MTOR: variants seen among roughly 807,000 people sequenced by gnomAD.
The protein encoded by MTOR is serine/threonine-protein kinase mTOR.
MTOR carries 70 observed loss-of-function variants against 319.8 expected under a neutral mutation model. The observed-to-expected ratio is 0.22, with a 90% confidence interval of 0.18 to 0.27. The LOEUF (loss-of-function observed/expected upper bound fraction) is 0.27. Ranked by LOEUF, MTOR falls within the 10% of genes least tolerant of loss-of-function variation. MTOR has a pLI of 1.00. For synonymous variants in MTOR, 1,183 were observed against 1,211.4 expected (o/e 0.98, Z 0.49); for missense variants, 1,890 against 3,274.4 (o/e 0.58, Z 10.32).
intron 30 of MTOR, chr1:11,152,400 T>C (rs1011557667): frequency 2.0e-5 from 3 of 151,776 alleles, no homozygotes; most frequent in Non-Finnish European, 4.4e-5. Flanking sequence ...ACAGAGAAGA[T>C]AGCATGGTCC....
At chr1:11,255,864 AAT>A in intron 5 of MTOR, 126 bp downstream of exon 5, 1 of 921,272 alleles carries the variant, frequency 1.1e-6, no homozygotes, top group Non-Finnish European at 1.6e-6. Flanking sequence ...AAAAAAAAAA[AAT>A]TCATTTGAGA....
chr1:11,145,138 T>A, intron 32 of MTOR, 93 bp from the exon 33 acceptor site: 1 of 1,049,018 alleles, frequency 9.5e-7, no homozygotes, highest in Non-Finnish European at 1.4e-6. Flanking sequence ...GTTATCTGTC[T>A]CACTTAAATT....
chr1:11,140,304 C>T (rs1309271834), intron 34 of MTOR, among the ~76,000 whole-genome samples: 2 of 120,610 alleles, frequency 1.7e-5, no homozygotes, highest in African/African-American at 6.7e-5. Flanking sequence ...AATTATTCCA[C>T]AGATTGGGTG....
Position 11,213,570 on chromosome 1 carries a change from CAA to C in MTOR, c.3118-6_3118-5del. On this transcript the variant is annotated splice_polypyrimidine_tract_variant and splice_region_variant and intron_variant, in intron 20 of 57. Coordinates refer to ENST00000361445, the MANE Select transcript of MTOR (RefSeq NM_004958.4). ...AGGTGTTCATGACCCAGAATTCCTA[CAA>C]AGAGAGAAAAGTCAGAGGAGCTGAG... The C allele has an allele frequency of 6.2e-7, 1 of 1,612,626 alleles. No homozygotes were observed. The highest frequency in any genetic ancestry group is 8.5e-7 in the Non-Finnish European group (1 of 1,179,370).
intron 30 of MTOR, chr1:11,152,413 G>A (rs1310193887): frequency 2.0e-5 from 3 of 150,928 alleles, no homozygotes; most frequent in African/African-American, 7.5e-5. Context: ...CATGGTCCCT[G>A]AAGATTTAAA....
intron 13 of MTOR, among the ~76,000 whole-genome samples, chr1:11,237,059 T>C (rs1232657341): frequency 1.3e-5 from 2 of 152,206 alleles, no homozygotes; most frequent in East Asian, 1.9e-4. Context: ...AAGTTCCTTA[T>C]ATGTTATAAA....
chr1:11,180,271 G>T (rs1038835198), intron 28 of MTOR, among the ~76,000 whole-genome samples: 5 of 152,116 alleles, frequency 3.3e-5, no homozygotes, highest in African/African-American at 9.7e-5. Context: ...TCCAGCAGAG[G>T]TACAGAAAAA....
At chr1:11,219,922 A>G (rs1032189044) in intron 19 of MTOR, among the ~76,000 whole-genome samples, 2 of 151,618 alleles carry the variant, frequency 1.3e-5, no homozygotes, top group Non-Finnish European at 2.9e-5. Context: ...AGTTCCAGCT[A>G]CTCAGGAGGC....
chr1:11,193,883 C>A, intron 28 of MTOR: 2 of 1,130,374 alleles, frequency 1.8e-6, no homozygotes, highest in South Asian at 1.5e-5. Flanking sequence ...TCTGTATATT[C>A]ATTGTGATGG....
chr1:11,249,052 C>T (rs1450400094), intron 6 of MTOR, among the ~76,000 whole-genome samples: 2 of 152,188 alleles, frequency 1.3e-5, no homozygotes, highest in East Asian at 1.9e-4. Flanking sequence ...GGTGAAAACC[C>T]GTTTCTACTA....
chr1:11,252,166 T>C (rs868650397), intron 6 of MTOR, among the ~76,000 whole-genome samples: 1 of 152,188 alleles, frequency 6.6e-6, no homozygotes, highest in East Asian at 1.9e-4. Context: ...ATACTTTAAA[T>C]CATCTCTATG....
chr1:11,128,907 T>C lies in MTOR; in HGVS notation c.5759A>G (p.Asn1920Ser), dbSNP rs753081675. ...WFDYGHWPDV[N>S]EALVEGVKAI... The stretch of plus-strand genomic sequence containing the variant: ...TTTCACCCCCTCCACTAAGGCCTCA[T>C]TGACATCTGGCCAGTGACCATAATC... The change falls in exon 41 of 58, where the codon AAT (asparagine) becomes AGT (serine). Residue 1920 changes from asparagine (N) to serine (S), a missense_variant. Transcript: ENST00000361445. This position sits in a 1 kb window ranked among gnomAD's most constrained non-coding sequence, Gnocchi z 5.3. 5.8e-5 allele frequency: 93 copies of C among 1,614,006 alleles called. No individual in the cohort carries two copies. The highest frequency in any genetic ancestry group is 3.1e-4 in the South Asian group (28 of 90,994).
chr1:11,240,463 C>A lies in MTOR; in HGVS notation c.1626G>T (p.Met542Ile). ...GTTTGTGCATAAGGACCAGGGACAG[C>A]ATTTTCAGTAGCCCATCTTGAATGT... is the stretch of plus-strand genomic sequence containing the variant. ...KKDIQDGLLKMLSLVLMHKPL... is the reference protein window; with the variant it reads ...KKDIQDGLLKILSLVLMHKPL... Residue 542 changes from methionine to isoleucine, a missense_variant, in exon 11 of 58, where the codon ATG becomes ATT. Physicochemically the swap from Met to Ile is conservative, Grantham distance 10. This residue lies in a region of MTOR where 418 missense variants were observed against 543.1 expected (regional missense o/e 0.77). Transcript: ENST00000361445. 1 of 1,614,230 alleles carries A rather than the reference C, an allele frequency of 6.2e-7. No individual in the cohort carries two copies. Among genetic ancestry groups the A allele is most frequent in the Non-Finnish European group, 8.5e-7 (1 of 1,180,052 alleles).
Position 11,120,050 on chromosome 1 carries a change from TA to T in MTOR, c.6933+1195del, listed in dbSNP as rs551587736. Among the ~76,000 whole-genome samples, 203 of 124,294 alleles carry T rather than the reference TA, an allele frequency of 1.6e-3. 1 individual carries two copies. Among genetic ancestry groups the T allele is most frequent in the Middle Eastern group, 4.3e-3 (1 of 230 alleles). The allele number at this position is 124,294 out of a possible 152,430, so 81.5% of individuals were successfully genotyped here. On this transcript the variant is annotated intron_variant, in intron 49 of 57. Coordinates refer to ENST00000361445, the MANE Select transcript of MTOR (RefSeq NM_004958.4). ...GGGTGACACAGTGAGACTTTGTCTCTAAAAAAAAAAAAAAAAATTTATATAT... is the reference window on the plus strand; with the variant it reads ...GGGTGACACAGTGAGACTTTGTCTCTAAAAAAAAAAAAAAAATTTATATAT...
At chr1:11,159,903 G>A (rs1344548416) in intron 29 of MTOR, among the ~76,000 whole-genome samples, 1 of 152,010 alleles carries the variant, frequency 6.6e-6, no homozygotes, top group Non-Finnish European at 1.5e-5. Context: ...TCAATACTAA[G>A]TTGATTAAGT....
At chr1:11,107,892 C>T (rs1376026095) in intron 57 of MTOR, among the ~76,000 whole-genome samples, 1 of 152,182 alleles carries the variant, frequency 6.6e-6, no homozygotes, top group African/African-American at 2.4e-5. Flanking sequence ...ACAGCAAAAC[C>T]CAAAAGGAAC....
At chr1:11,243,878 G>T (rs770837317) in intron 8 of MTOR, among the ~76,000 whole-genome samples, 69 of 152,114 alleles carry the variant, frequency 4.5e-4, no homozygotes, top group Non-Finnish European at 9.6e-4. Flanking sequence ...ACAGTCATGG[G>T]CCGGGTGCAG....
At chr1:11,261,729 G>A (rs1391753384) in intron 1 of MTOR, among the ~76,000 whole-genome samples, 1 of 152,054 alleles carries the variant, frequency 6.6e-6, no homozygotes, top group African/African-American at 2.4e-5. Context: ...TCCTTTAGGG[G>A]AGAAGAAACT....
In MTOR at chr1:11,139,092, T is replaced by C. The variant is rs2275528; in HGVS notation, c.5130+212A>G. 0.045 allele frequency: 25,491 copies of C among 572,242 alleles called. 961 individuals carry two copies. Among genetic ancestry groups the C allele is most frequent in the South Asian group, 0.11 (3,732 of 34,936 alleles). The allele number at this position is 572,242 out of a possible 1,614,324, so 35.4% of individuals were successfully genotyped here. On this transcript the variant is annotated intron_variant, in intron 36 of 57. Coordinates refer to ENST00000361445, the MANE Select transcript of MTOR (RefSeq NM_004958.4). ...TACATATAACTGTGATCACATTCAT[T>C]GGTTTGATCAATGGTATACACACCA...
Sources: allele counts gnomAD v4.1 joint callset (sites outside exome capture counted in the v4.1 genomes callset), GRCh38; gene constraint gnomAD v4.1.1; regional missense constraint gnomAD v4.1.1; non-coding constraint Gnocchi (gnomAD v3.1); transcripts MANE v1.5; gene names NCBI Gene and HGNC (gene_info 2026-07-23, HGNC 2026-07-21).